Variants in GABRA3 observed in about 807,000 individuals in gnomAD.
The protein encoded by GABRA3 is gamma-aminobutyric acid type A receptor subunit alpha3.
Under a neutral mutation model 30.1 loss-of-function variants are expected in GABRA3, and 10 were observed. The observed-to-expected ratio is 0.33, with a 90% CI of 0.20 to 0.56. The LOEUF is 0.56. Among genes scored for constraint, GABRA3 ranks in the 20% least tolerant of loss-of-function variants. The pLI, the probability that GABRA3 is intolerant of heterozygous loss-of-function variation, is 0.89. For synonymous variants in GABRA3, 151 were observed against 146.8 expected, an observed-to-expected ratio of 1.03 and a Z score of -0.21; for missense variants, 233 against 392.0, an observed-to-expected ratio of 0.59 and a Z score of 3.42.
intron 3 of GABRA3, among the ~76,000 whole-genome samples, chrX:152,294,715 T>C (rs1370095389): frequency 9.0e-6 from 1 of 111,495 alleles, no homozygotes; most frequent in East Asian, 2.8e-4. Context: ...GGCACTCTGG[T>C]TTTTAGAATT....
intron 5 of GABRA3, among the ~76,000 whole-genome samples, chrX:152,241,383 C>G (rs1330305942): frequency 9.9e-6 from 1 of 101,388 alleles, no homozygotes; most frequent in African/African-American, 3.4e-5. Flanking sequence ...CAGCTGCGTG[C>G]TGGGAGAACC....
At chrX:152,362,758 G>T (rs1928544460) in intron 2 of GABRA3, among the ~76,000 whole-genome samples, 1 of 111,679 alleles carries the variant, frequency 9.0e-6, no homozygotes, top group Non-Finnish European at 1.9e-5. Flanking sequence ...CTTGGTGATT[G>T]ATTCAATCTG....
At chrX:152,411,968 A>T (rs1011286177) in intron 1 of GABRA3, among the ~76,000 whole-genome samples, 2 of 111,646 alleles carry the variant, frequency 1.8e-5, no homozygotes, top group Admixed American at 9.6e-5. Context: ...AAAAAGAATC[A>T]CATAAAGGTT....
chrX:152,320,488 C>T (rs760743392), intron 3 of GABRA3, among the ~76,000 whole-genome samples: 9 of 111,605 alleles, frequency 8.1e-5, no homozygotes, highest in South Asian at 7.4e-4. Flanking sequence ...AACCAAACAT[C>T]GTATGTTCTC....
chrX:152,292,136 G>A (rs1223187685), intron 3 of GABRA3, among the ~76,000 whole-genome samples: 4 of 111,438 alleles, frequency 3.6e-5, no homozygotes, highest in Admixed American at 9.5e-5. Context: ...CTGTGAATCC[G>A]TCTGGTCCTG....
At chrX:152,293,393 T>G (rs1939460443) in intron 3 of GABRA3, among the ~76,000 whole-genome samples, 3 of 111,438 alleles carry the variant, frequency 2.7e-5, no homozygotes, top group Non-Finnish European at 5.6e-5. Flanking sequence ...TTTTTTGTTT[T>G]GTTTTCCACT....
chrX:152,338,767 G>C (rs550763579), intron 3 of GABRA3, among the ~76,000 whole-genome samples: 9 of 112,040 alleles, frequency 8.0e-5, no homozygotes, highest in African/African-American at 2.9e-4. Context: ...AGTTTTCCCA[G>C]CATTATTTGT....
At chrX:152,275,076 T>C in intron 4 of GABRA3, among the ~76,000 whole-genome samples, 1 of 88,808 alleles carries the variant, frequency 1.1e-5, no homozygotes, top group East Asian at 3.3e-4. Flanking sequence ...AATATATTCA[T>C]ATATATAATA....
intron 4 of GABRA3, among the ~76,000 whole-genome samples, chrX:152,276,407 T>C (rs764267226): frequency 2.7e-5 from 3 of 112,072 alleles, no homozygotes; most frequent in Non-Finnish European, 5.6e-5. Flanking sequence ...TCTCATACAC[T>C]GCTATTGAGA....
chrX:152,354,675 T>G (rs1940523843), intron 2 of GABRA3, among the ~76,000 whole-genome samples: 1 of 111,478 alleles, frequency 9.0e-6, no homozygotes, highest in Non-Finnish European at 1.9e-5. Context: ...AAGGTGGACT[T>G]CAGCTCAATA....
intron 1 of GABRA3, among the ~76,000 whole-genome samples, chrX:152,365,163 G>A (rs1485458179): frequency 9.0e-6 from 1 of 111,339 alleles, no homozygotes; most frequent in Non-Finnish European, 1.9e-5. Context: ...CAGCTTCATA[G>A]AGTTAAACAA....
intron 1 of GABRA3, among the ~76,000 whole-genome samples, chrX:152,435,412 G>A (rs777883631): frequency 6.3e-5 from 7 of 111,449 alleles, no homozygotes; most frequent in South Asian, 3.8e-4. Flanking sequence ...ATACTATGCG[G>A]CCATAACAAA....
chrX:152,227,040 C>T (rs986146731), intron 5 of GABRA3, among the ~76,000 whole-genome samples: 2 of 110,346 alleles, frequency 1.8e-5, no homozygotes, highest in Non-Finnish European at 3.8e-5. Flanking sequence ...GGGTATGTAC[C>T]CAAAGGACTA....
rs185428609 is a variant in GABRA3 at position 152,380,941 on chromosome X, C to A, written c.-26-16345G>T. Among the ~76,000 whole-genome samples the A allele has an allele frequency of 5.4e-5, 6 of 111,857 alleles. No individual in the cohort carries two copies. In the East Asian group the frequency reaches 1.7e-3, roughly 32 times the overall value. On this transcript the variant is annotated intron_variant, in intron 1 of 9. Coordinates refer to ENST00000370314, the MANE Select transcript of GABRA3 (RefSeq NM_000808.4). ...ATGGGGGCAGATCCCTCATTAATGA[C>A]TTAGTGCTGTTCTAGCAGTAGTGAG...
intron 7 of GABRA3, among the ~76,000 whole-genome samples, chrX:152,207,589 G>C (rs1324537988): frequency 8.9e-6 from 1 of 111,881 alleles, no homozygotes; most frequent in East Asian, 2.8e-4. Context: ...ACCTTTTCTG[G>C]GATTAGTTAA....
At chrX:152,253,972 C>A (rs1426284579) in intron 5 of GABRA3, among the ~76,000 whole-genome samples, 3 of 111,877 alleles carry the variant, frequency 2.7e-5, no homozygotes, top group Non-Finnish European at 5.7e-5. Flanking sequence ...AGTTAGATGA[C>A]CCTGCTCTAT....
intron 9 of GABRA3, among the ~76,000 whole-genome samples, chrX:152,180,919 C>A (rs1937136966): frequency 8.9e-6 from 1 of 112,024 alleles, no homozygotes; most frequent in Non-Finnish European, 1.9e-5. Flanking sequence ...ATGCCAGTAC[C>A]AAGCTGTTTT....
At chrX:152,199,171 C>A (rs746022749) in intron 7 of GABRA3, among the ~76,000 whole-genome samples, 12 of 110,062 alleles carry the variant, frequency 1.1e-4, no homozygotes, top group African/African-American at 3.6e-4. Context: ...TCGAGACCAT[C>A]CTGGCTAACA....
intron 1 of GABRA3, among the ~76,000 whole-genome samples, chrX:152,387,866 A>T (rs1214190905): frequency 9.0e-6 from 1 of 111,421 alleles, no homozygotes; most frequent in Non-Finnish European, 1.9e-5. Flanking sequence ...CTTCCTTGTA[A>T]ACAATCTTGC....
Sources: gnomAD v4.1 joint callset for allele counts (sites outside exome capture counted in the v4.1 genomes callset) on GRCh38, gnomAD v4.1.1 for gene constraint, MANE v1.5 for transcripts, NCBI Gene and HGNC (gene_info 2026-07-23, HGNC 2026-07-21) for gene names.